The following PTPRD variants were observed in gnomAD, a reference collection of about 807,000 sequenced individuals.
The protein encoded by PTPRD is protein tyrosine phosphatase receptor type D.
A neutral mutation model predicts 214.5 loss-of-function variants in PTPRD; 34 were observed. That is an observed-to-expected ratio of 0.16 (90% CI 0.12 to 0.21). PTPRD has a LOEUF of 0.21. PTPRD is among the 10% of genes least tolerant of loss of function. PTPRD has a pLI of 1.00. For missense variants in PTPRD, 2,545 were observed against 2,398.7 expected, an observed-to-expected ratio of 1.06 and a Z score of -1.27; for synonymous variants, 1,128 against 845.7, an observed-to-expected ratio of 1.33 and a Z score of -5.79.
At chr9:10,531,409 T>A (rs530911811) in intron 2 of PTPRD, among the ~76,000 whole-genome samples, 1 of 152,104 alleles carries the variant, frequency 6.6e-6, no homozygotes, top group Non-Finnish European at 1.5e-5. Flanking sequence ...GGAAATGGGA[T>A]GACAGACAGA....
chr9:8,697,708 C>T (rs2097953921), intron 12 of PTPRD, among the ~76,000 whole-genome samples: 2 of 151,864 alleles, frequency 1.3e-5, no homozygotes, highest in Admixed American at 1.3e-4. Flanking sequence ...CAGGCATGAG[C>T]CACCACGCCC....
intron 10 of PTPRD, among the ~76,000 whole-genome samples, chr9:9,134,112 C>G (rs886464752): frequency 4.0e-5 from 5 of 126,386 alleles, no homozygotes; most frequent in African/African-American, 9.3e-5. Context: ...GTCGCCCAGG[C>G]TGGACTGCGG....
intron 5 of PTPRD, among the ~76,000 whole-genome samples, chr9:9,856,954 C>T (rs189133203): frequency 6.6e-6 from 1 of 152,198 alleles, no homozygotes; most frequent in East Asian, 1.9e-4. Context: ...GAAATGAAAG[C>T]AGTGGTTATT....
chr9:9,773,041 T>C (rs969863249), intron 5 of PTPRD, among the ~76,000 whole-genome samples: 1 of 152,198 alleles, frequency 6.6e-6, no homozygotes, highest in African/African-American at 2.4e-5. Flanking sequence ...GGAAATATTG[T>C]GCTTTTATTT....
intron 7 of PTPRD, among the ~76,000 whole-genome samples, chr9:9,677,061 C>A (rs2154394873): frequency 6.6e-6 from 1 of 151,876 alleles, no homozygotes; most frequent in East Asian, 1.9e-4. Flanking sequence ...CAAAAATTTT[C>A]TCCCATTTTG....
At chr9:9,732,554 A>C (rs1230660950) in intron 7 of PTPRD, among the ~76,000 whole-genome samples, 1 of 152,172 alleles carries the variant, frequency 6.6e-6, no homozygotes, top group African/African-American at 2.4e-5. Flanking sequence ...GAGGGTCCAG[A>C]TCCAACTTTT....
chr9:9,051,660 A>T lies in PTPRD; in HGVS notation c.-142-32925T>A, dbSNP rs185715157. ...ATTTTTGCAGGTATAAAATAAGTTA[A>T]TGTTAGGTTGTGACATGGTCATTAA... On this transcript the variant is annotated intron_variant, in intron 10 of 45. Transcript: ENST00000381196. 3.6e-3 allele frequency among the ~76,000 whole-genome samples: 544 copies of T among 152,310 alleles called. 2 individuals are homozygous for T. The highest frequency in any genetic ancestry group is 0.012 in the African/African-American group (494 of 41,572).
intron 9 of PTPRD, among the ~76,000 whole-genome samples, chr9:9,388,990 A>G (rs953312908): frequency 2.0e-5 from 3 of 152,160 alleles, no homozygotes; most frequent in Non-Finnish European, 4.4e-5. Context: ...ATATGCATAT[A>G]TTTCAGTTTG....
Position 8,633,301 on chromosome 9 carries a change from T to C in PTPRD, c.352+16A>G. ...GTAACAATGACACAAACGACAACCT[T>C]CACTTGAGCACTTACCCCGCAAAAC... On this transcript the variant is annotated intron_variant, in intron 14 of 45. Coordinates refer to ENST00000381196, the MANE Select transcript of PTPRD (RefSeq NM_002839.4). 6.2e-7 allele frequency: 1 copy of C among 1,607,316 alleles called. No homozygotes were observed. The highest frequency in any genetic ancestry group is 8.5e-7 in the Non-Finnish European group (1 of 1,176,806).
intron 11 of PTPRD, among the ~76,000 whole-genome samples, chr9:8,840,080 T>G (rs2097529309): frequency 6.6e-6 from 1 of 152,190 alleles, no homozygotes; most frequent in South Asian, 2.1e-4. Context: ...TTTTATGGCT[T>G]TGAAATAGAT....
intron 7 of PTPRD, among the ~76,000 whole-genome samples, chr9:9,575,251 C>T (rs1211125369): frequency 3.9e-5 from 6 of 151,920 alleles, no homozygotes; most frequent in African/African-American, 1.2e-4. Context: ...AATAACTATC[C>T]GTGATATATT....
intron 3 of PTPRD, among the ~76,000 whole-genome samples, chr9:10,279,407 A>G (rs759063160): frequency 6.6e-6 from 1 of 152,156 alleles, no homozygotes; most frequent in Non-Finnish European, 1.5e-5. Context: ...ACTAGCTCAT[A>G]AGACTTGGTC....
intron 11 of PTPRD, among the ~76,000 whole-genome samples, chr9:8,901,682 T>G (rs1433540): frequency 0.5 from 75,705 of 152,102 alleles, 22,322 homozygotes; most frequent in Non-Finnish European, 0.65. Context: ...TAATTAGCCA[T>G]GCTAGTGTAT....
intron 3 of PTPRD, among the ~76,000 whole-genome samples, chr9:10,134,710 A>G (rs1274566726): frequency 1.3e-5 from 2 of 152,150 alleles, no homozygotes; most frequent in Non-Finnish European, 2.9e-5. Context: ...ATTATATTAA[A>G]AAAAAGCCCC....
intron 3 of PTPRD, among the ~76,000 whole-genome samples, chr9:10,262,353 A>G (rs1212323621): frequency 6.6e-6 from 1 of 152,190 alleles, no homozygotes; most frequent in Non-Finnish European, 1.5e-5. Flanking sequence ...TACAGAGTGC[A>G]TCTCATTTAC....
At chr9:9,480,045 GA>G (rs1379741331) in intron 8 of PTPRD, among the ~76,000 whole-genome samples, 1 of 152,034 alleles carries the variant, frequency 6.6e-6, no homozygotes, top group Non-Finnish European at 1.5e-5. Flanking sequence ...AAATATCTGG[GA>G]TCAATTGTCC....
At chr9:9,189,134 T>A (rs2131739160) in intron 9 of PTPRD, among the ~76,000 whole-genome samples, 1 of 152,242 alleles carries the variant, frequency 6.6e-6, no homozygotes, top group South Asian at 2.1e-4. Context: ...CCATAAGTGT[T>A]CACTGAGCTG....
At chr9:8,608,487 C>A (rs2095322709) in intron 14 of PTPRD, among the ~76,000 whole-genome samples, 2 of 152,090 alleles carry the variant, frequency 1.3e-5, no homozygotes, top group Non-Finnish European at 2.9e-5. Flanking sequence ...GCGCTCAAAT[C>A]TAAAGCAACT....
At chr9:8,507,837 A>G (rs768051434) in intron 21 of PTPRD, among the ~76,000 whole-genome samples, 5 of 152,212 alleles carry the variant, frequency 3.3e-5, no homozygotes, top group African/African-American at 4.8e-5. Flanking sequence ...ACTGAGTAGG[A>G]ACTTACTCTC....
Sources: allele counts gnomAD v4.1 joint callset (sites outside exome capture counted in the v4.1 genomes callset), GRCh38; gene constraint gnomAD v4.1.1; transcripts MANE v1.5; gene names NCBI Gene and HGNC (gene_info 2026-07-23, HGNC 2026-07-21).